The following CDH13 variants were observed in gnomAD, a reference collection of about 807,000 sequenced individuals.
CDH13 encodes the protein cadherin-13.
CDH13 carries 24 observed loss-of-function variants against 63.8 expected under a neutral mutation model. That is an observed-to-expected ratio of 0.38 (90% CI 0.27 to 0.53). The LOEUF (loss-of-function observed/expected upper bound fraction) is 0.53, where lower values mean the gene tolerates loss of function less well. Among genes scored for constraint, CDH13 ranks in the 20% least tolerant of loss-of-function variants. The probability of loss-of-function intolerance (pLI) is 0.85; values close to 1 mark genes in which losing one functional copy is unlikely to be tolerated. For missense variants in CDH13, 1,049 were observed against 903.1 expected (o/e 1.16, Z -2.07); for synonymous variants, 503 against 355.3 (o/e 1.42, Z -4.67).
intron 5 of CDH13, among the ~76,000 whole-genome samples, chr16:83,251,618 G>C (rs1905543819): frequency 6.6e-6 from 1 of 152,234 alleles, no homozygotes; most frequent in African/African-American, 2.4e-5. Context: ...CAGTTCTAGA[G>C]AAGGCACATC....
At chr16:83,209,508 G>A (rs2039278619) in intron 4 of CDH13, among the ~76,000 whole-genome samples, 1 of 152,154 alleles carries the variant, frequency 6.6e-6, no homozygotes, top group Admixed American at 6.5e-5. Flanking sequence ...CAGGTAAAGT[G>A]GCTGCATTTT....
At chr16:83,586,337 C>G (rs1436225532) in intron 7 of CDH13, among the ~76,000 whole-genome samples, 3 of 152,184 alleles carry the variant, frequency 2.0e-5, no homozygotes, top group African/African-American at 4.8e-5. Context: ...CAGTTCCCCT[C>G]CACTTTGAAA....
At chr16:83,064,675 C>A (rs2031854125) in intron 3 of CDH13, among the ~76,000 whole-genome samples, 1 of 152,014 alleles carries the variant, frequency 6.6e-6, no homozygotes, top group African/African-American at 2.4e-5. Flanking sequence ...TAGCCAATTT[C>A]TTTTTGATGG....
chr16:82,740,688 T>C (rs1361514991), intron 1 of CDH13, among the ~76,000 whole-genome samples: 1 of 152,214 alleles, frequency 6.6e-6, no homozygotes, highest in East Asian at 1.9e-4. Context: ...CTTTTCCTGA[T>C]GGAGACTGAA....
intron 1 of CDH13, among the ~76,000 whole-genome samples, chr16:82,841,396 A>T (rs2039004015): frequency 6.6e-6 from 1 of 152,198 alleles, no homozygotes; most frequent in Non-Finnish European, 1.5e-5. Context: ...TCTGAACAGT[A>T]CTATGGCACT....
At chr16:83,249,356 A>G (rs1358819638) in intron 5 of CDH13, among the ~76,000 whole-genome samples, 1 of 152,182 alleles carries the variant, frequency 6.6e-6, no homozygotes, top group African/African-American at 2.4e-5. Flanking sequence ...TGTCTTCACC[A>G]TGGCAATGGG....
At chr16:82,631,493 C>G (rs543300729) in intron 1 of CDH13, among the ~76,000 whole-genome samples, 1 of 152,202 alleles carries the variant, frequency 6.6e-6, no homozygotes, top group Admixed American at 6.5e-5. Context: ...AACCAAGTGA[C>G]CAGTGGTTTT....
intron 5 of CDH13, among the ~76,000 whole-genome samples, chr16:83,273,359 T>A (rs1397572957): frequency 6.6e-6 from 1 of 152,036 alleles, no homozygotes; most frequent in Non-Finnish European, 1.5e-5. Context: ...AAGTAGGCCC[T>A]GGGGTCTTTT....
At chr16:83,575,307 T>C (rs1205703321) in intron 7 of CDH13, among the ~76,000 whole-genome samples, 1 of 152,216 alleles carries the variant, frequency 6.6e-6, no homozygotes. Flanking sequence ...TTGTGCACTA[T>C]GTGAATTATA....
intron 6 of CDH13, among the ~76,000 whole-genome samples, chr16:83,361,967 T>C (rs1471281395): frequency 1.3e-5 from 2 of 152,198 alleles, no homozygotes; most frequent in African/African-American, 4.8e-5. Flanking sequence ...AAAAATGATC[T>C]TGGTAGTTTG....
chr16:83,385,604 C>T (rs2091657869), intron 6 of CDH13, among the ~76,000 whole-genome samples: 1 of 152,174 alleles, frequency 6.6e-6, no homozygotes, highest in African/African-American at 2.4e-5. Flanking sequence ...TCTCTATGGT[C>T]ACCTATGGCA....
chr16:83,014,607 T>G (rs1914501970), intron 2 of CDH13, among the ~76,000 whole-genome samples: 1 of 150,418 alleles, frequency 6.6e-6, no homozygotes, highest in South Asian at 2.1e-4. Flanking sequence ...GGCCCATGCC[T>G]GTAATTCTAG....
intron 1 of CDH13, among the ~76,000 whole-genome samples, chr16:82,734,018 G>A (rs1004528167): frequency 4.6e-5 from 3 of 64,752 alleles, no homozygotes; most frequent in African/African-American, 1.8e-4. Flanking sequence ...AATGAGGGCT[G>A]TGGAGAAAAT....
At chr16:83,548,728 T>C (rs1357735656) in intron 7 of CDH13, among the ~76,000 whole-genome samples, 1 of 151,948 alleles carries the variant, frequency 6.6e-6, no homozygotes, top group Non-Finnish European at 1.5e-5. Context: ...AAGGCAGCCT[T>C]TTTTTTTCTC....
intron 6 of CDH13, among the ~76,000 whole-genome samples, chr16:83,445,000 C>G (rs1196087031): frequency 6.6e-6 from 1 of 152,120 alleles, no homozygotes; most frequent in East Asian, 1.9e-4. Flanking sequence ...TCAGAAACCA[C>G]AGGGCTGGGA....
In CDH13 at chr16:82,904,007, C is replaced by A. The variant is rs113666560; in HGVS notation, c.157+45534C>A. Among the ~76,000 whole-genome samples the A allele has an allele frequency of 1.1e-3, 173 of 152,216 alleles. 2 individuals are homozygous for A. The highest frequency in any genetic ancestry group is 3.9e-3 in the African/African-American group (164 of 41,534). On this transcript the variant is annotated intron_variant, in intron 2 of 13. Coordinates refer to ENST00000567109, the MANE Select transcript of CDH13 (RefSeq NM_001257.5). ...CTGGAAGTCATAGAATCCTGTGATT[C>A]TCTTCCAAACTGCTTTTTTTTCTAT...
At chr16:83,514,311 G>C (rs1397838374) in intron 7 of CDH13, among the ~76,000 whole-genome samples, 3 of 152,186 alleles carry the variant, frequency 2.0e-5, no homozygotes, top group Non-Finnish European at 2.9e-5. Flanking sequence ...TGCTGGATTA[G>C]GGTAGGCCCT....
chr16:82,713,817 C>CAAAA (rs777356585), intron 1 of CDH13, among the ~76,000 whole-genome samples: 1 of 140,364 alleles, frequency 7.1e-6, no homozygotes, highest in African/African-American at 2.7e-5. Context: ...AAAAAAAAAA[C>CAAAA]AAACAAAAAA....
intron 2 of CDH13, among the ~76,000 whole-genome samples, chr16:82,880,377 A>G (rs2040657566): frequency 6.6e-6 from 1 of 152,146 alleles, no homozygotes; most frequent in Non-Finnish European, 1.5e-5. Context: ...TGATTGCTTC[A>G]TATATCGGTG....
Sources: allele counts gnomAD v4.1 joint callset (sites outside exome capture counted in the v4.1 genomes callset), GRCh38; gene constraint gnomAD v4.1.1; transcripts MANE v1.5; gene names NCBI Gene and HGNC (gene_info 2026-07-23, HGNC 2026-07-21).